Variants in JAZF1 observed in about 807,000 individuals in gnomAD.
JAZF1 encodes juxtaposed with another zinc finger protein 1.
In JAZF1, 8 loss-of-function variants were observed where a neutral mutation model predicts 26.4. The ratio of observed to expected loss-of-function variants is 0.30; its 90% confidence interval spans 0.18 to 0.55. JAZF1 has a LOEUF of 0.55. Among genes scored for constraint, JAZF1 ranks in the 20% least tolerant of loss-of-function variants. The pLI is 0.94. For missense variants in JAZF1, 199 were observed against 322.0 expected, an observed-to-expected ratio of 0.62 and a Z score of 2.92; for synonymous variants, 126 against 122.3, an observed-to-expected ratio of 1.03 and a Z score of -0.20.
At chr7:28,070,030 G>C (rs2127909741) in intron 1 of JAZF1, among the ~76,000 whole-genome samples, 1 of 152,254 alleles carries the variant, frequency 6.6e-6, no homozygotes, top group East Asian at 1.9e-4. Flanking sequence ...ACTGCACTTT[G>C]TAAAACGTCT....
intron 1 of JAZF1, among the ~76,000 whole-genome samples, chr7:28,102,574 A>C (rs1784489927): frequency 7.8e-6 from 1 of 128,124 alleles, no homozygotes; most frequent in Non-Finnish European, 1.6e-5. Flanking sequence ...GGGGTATATA[A>C]TATTTAGCAC....
At chr7:27,906,209 G>T (rs1475244479) in intron 2 of JAZF1, among the ~76,000 whole-genome samples, 1 of 152,102 alleles carries the variant, frequency 6.6e-6, no homozygotes, top group African/African-American at 2.4e-5. Context: ...AGAGCTGAGT[G>T]TCCTCTCACA....
chr7:28,038,387 G>C (rs1783331186), intron 1 of JAZF1, among the ~76,000 whole-genome samples: 1 of 152,020 alleles, frequency 6.6e-6, no homozygotes, highest in African/African-American at 2.4e-5. Context: ...AAGTAGACTT[G>C]AACTTGTTAA....
At chr7:27,917,768 C>T (rs1054571853) in intron 2 of JAZF1, among the ~76,000 whole-genome samples, 3 of 152,126 alleles carry the variant, frequency 2.0e-5, no homozygotes, top group Admixed American at 2.0e-4. Context: ...TTTTAAGATC[C>T]CTGGAAGGTA....
chr7:28,066,495 T>G (rs967154372), intron 1 of JAZF1, among the ~76,000 whole-genome samples: 1 of 147,138 alleles, frequency 6.8e-6, no homozygotes, highest in African/African-American at 2.5e-5. Context: ...CCCAGCTACT[T>G]GGGAGGCTGA....
chr7:27,971,056 A>C lies in JAZF1; in HGVS notation c.188+20853T>G, dbSNP rs1785368122. Among the ~76,000 whole-genome samples the C allele has an allele frequency of 3.9e-5, 6 of 152,230 alleles. No individual in the cohort carries two copies. In the South Asian group the frequency reaches 1.2e-3, roughly 32 times the overall value. On this transcript the variant is annotated intron_variant, in intron 2 of 4. Transcript: ENST00000283928. The stretch of plus-strand genomic sequence containing the variant: ...ACATAGTAGGCATTCAAAAGAAGCC[A>C]GTATGCGTTGAAAACAATGAGAGAA...
chr7:27,877,119 C>T (rs543308945), intron 3 of JAZF1, among the ~76,000 whole-genome samples: 1 of 151,998 alleles, frequency 6.6e-6, no homozygotes, highest in Admixed American at 6.5e-5. Flanking sequence ...AAGCCAGCAT[C>T]CCCAGCTTTA....
chr7:28,131,471 T>C (rs1048434887), intron 1 of JAZF1, among the ~76,000 whole-genome samples: 1 of 152,190 alleles, frequency 6.6e-6, no homozygotes, highest in African/African-American at 2.4e-5. Flanking sequence ...AAAACCACGA[T>C]ATGCACTAGA....
intron 1 of JAZF1, chr7:28,020,555 T>C (rs1273074161): frequency 2.1e-6 from 1 of 471,150 alleles, no homozygotes; most frequent in African/African-American, 2.0e-5. Flanking sequence ...ACACTTACGT[T>C]GTCCTACGGC....
intron 3 of JAZF1, among the ~76,000 whole-genome samples, chr7:27,854,688 A>G (rs1159808449): frequency 6.6e-6 from 1 of 152,194 alleles, no homozygotes; most frequent in African/African-American, 2.4e-5. Context: ...AGAATGTTGA[A>G]TATCGGCCCC....
intron 2 of JAZF1, among the ~76,000 whole-genome samples, chr7:27,935,908 C>T (rs914041183): frequency 7.2e-5 from 11 of 152,250 alleles, no homozygotes; most frequent in African/African-American, 2.4e-4. Flanking sequence ...AGCTGGGTCG[C>T]CCAAAGTTCC....
chr7:27,967,683 G>A (rs187498498), intron 2 of JAZF1, among the ~76,000 whole-genome samples: 1 of 152,276 alleles, frequency 6.6e-6, no homozygotes, highest in African/African-American at 2.4e-5. Flanking sequence ...TAAATTCCTG[G>A]TGCTATTTCT....
chr7:27,976,331 C>A (rs1228097288), intron 2 of JAZF1, among the ~76,000 whole-genome samples: 3 of 117,922 alleles, frequency 2.5e-5, no homozygotes, highest in African/African-American at 3.4e-5. Context: ...GGCAACAGAG[C>A]CAGACTCCGT....
intron 1 of JAZF1, among the ~76,000 whole-genome samples, chr7:28,088,906 A>G (rs941180667): frequency 2.0e-5 from 3 of 152,174 alleles, no homozygotes; most frequent in Admixed American, 1.3e-4. Flanking sequence ...CCTCCCTTCA[A>G]TTAATTTTAT....
At chr7:28,058,140 C>T (rs964628902) in intron 1 of JAZF1, among the ~76,000 whole-genome samples, 1 of 152,090 alleles carries the variant, frequency 6.6e-6, no homozygotes, top group Non-Finnish European at 1.5e-5. Flanking sequence ...TGGTACTGAT[C>T]CTGGTGGGGA....
At chr7:27,836,279 G>T (rs1163699261) in intron 4 of JAZF1, among the ~76,000 whole-genome samples, 17 of 149,852 alleles carry the variant, frequency 1.1e-4, no homozygotes, top group African/African-American at 4.2e-4. Flanking sequence ...AGGGAAGAAA[G>T]TGGGAAGGTA....
chr7:28,074,194 A>T (rs1289215582), intron 1 of JAZF1, among the ~76,000 whole-genome samples: 3 of 152,224 alleles, frequency 2.0e-5, no homozygotes, highest in African/African-American at 7.2e-5. Flanking sequence ...CAAATAAGTT[A>T]AAAAAGTCAG....
chr7:28,052,968 A>G (rs1783640371), intron 1 of JAZF1, among the ~76,000 whole-genome samples: 1 of 152,202 alleles, frequency 6.6e-6, no homozygotes, highest in African/African-American at 2.4e-5. Flanking sequence ...TGGAAACTCT[A>G]TACAATTAAA....
chr7:27,969,106 C>A (rs1359003334), intron 2 of JAZF1, among the ~76,000 whole-genome samples: 1 of 152,144 alleles, frequency 6.6e-6, no homozygotes, highest in African/African-American at 2.4e-5. Flanking sequence ...GGACAACTCA[C>A]AATTTGCCAA....
Sources: allele counts gnomAD v4.1 joint callset (sites outside exome capture counted in the v4.1 genomes callset), GRCh38; gene constraint gnomAD v4.1.1; transcripts MANE v1.5; gene names NCBI Gene and HGNC (gene_info 2026-07-23, HGNC 2026-07-21).